Variants in BCL2 observed in about 807,000 individuals in gnomAD.
BCL2 encodes apoptosis regulator Bcl-2.
A neutral mutation model predicts 14.2 loss-of-function variants in BCL2; 1 was observed. The observed-to-expected ratio is 0.07, with a 90% CI of 0.02 to 0.33. The LOEUF (loss-of-function observed/expected upper bound fraction) is 0.33. BCL2 is among the 10% of genes least tolerant of loss of function. The probability of loss-of-function intolerance (pLI) is 0.99; values close to 1 mark genes in which losing one functional copy is unlikely to be tolerated. For missense variants in BCL2, 247 were observed against 305.9 expected (o/e 0.81, Z 1.44); for synonymous variants, 151 against 137.2 (o/e 1.10, Z -0.70).
At chr18:63,213,630 A>G (rs1258030594) in intron 2 of BCL2, among the ~76,000 whole-genome samples, 2 of 152,026 alleles carry the variant, frequency 1.3e-5, no homozygotes, top group East Asian at 3.8e-4. Flanking sequence ...GAGTAAGTTC[A>G]TAATTTAGGA....
intron 2 of BCL2, among the ~76,000 whole-genome samples, chr18:63,296,557 G>GA (rs1912800442): frequency 6.6e-6 from 1 of 152,180 alleles, no homozygotes; most frequent in Non-Finnish European, 1.5e-5. Context: ...TCCAGCCTCG[G>GA]TCTCCCACAG....
intron 2 of BCL2, among the ~76,000 whole-genome samples, chr18:63,260,533 G>C (rs192707936): frequency 2.0e-3 from 301 of 152,316 alleles, no homozygotes; most frequent in African/African-American, 6.6e-3. Context: ...GTCAGCAGGG[G>C]CGGACGATAG....
chr18:63,264,117 G>C (rs1212575066), intron 2 of BCL2, among the ~76,000 whole-genome samples: 1 of 152,204 alleles, frequency 6.6e-6, no homozygotes, highest in Admixed American at 6.5e-5. Flanking sequence ...TCAGCATGCA[G>C]ATGGCCCCGC....
intron 2 of BCL2, among the ~76,000 whole-genome samples, chr18:63,167,569 T>A (rs1206892776): frequency 2.7e-5 from 4 of 150,942 alleles, no homozygotes; most frequent in African/African-American, 9.7e-5. Context: ...CACTTGAGCC[T>A]AAGAGTTTGA....
intron 2 of BCL2, among the ~76,000 whole-genome samples, chr18:63,156,451 C>T (rs1489911316): frequency 6.6e-6 from 1 of 152,150 alleles, no homozygotes; most frequent in African/African-American, 2.4e-5. Context: ...AGTGTGAAAA[C>T]CCGAAATGTC....
intron 2 of BCL2, among the ~76,000 whole-genome samples, chr18:63,221,514 G>T (rs939745981): frequency 1.3e-5 from 2 of 152,196 alleles, no homozygotes; most frequent in Admixed American, 1.3e-4. Flanking sequence ...GAGCTTTTAT[G>T]TAAGGCTGAC....
At chr18:63,146,028 C>T (rs1326776275) in intron 2 of BCL2, among the ~76,000 whole-genome samples, 1 of 152,168 alleles carries the variant, frequency 6.6e-6, no homozygotes, top group Non-Finnish European at 1.5e-5. Context: ...TCCCAAATCC[C>T]TTTTCCCTGC....
In BCL2 at chr18:63,169,290, T is replaced by TTCTTTC. The variant is rs1163136660; in HGVS notation, c.586-40537_586-40532dup. Among the ~76,000 whole-genome samples the TTCTTTC allele has an allele frequency of 2.8e-5, 2 of 71,980 alleles. 1 individual carries two copies. The highest frequency in any genetic ancestry group is 3.1e-4 in the Admixed American group (2 of 6,442). 47.2% of individuals were successfully genotyped at this position (71,980 alleles called of 152,430 possible). On this transcript the variant is annotated intron_variant, in intron 2 of 2. Coordinates refer to ENST00000333681, the MANE Select transcript of BCL2 (RefSeq NM_000633.3). Reference sequence around the variant, plus strand: ...TTTCTTTCTTTCTTTCTTTCTTTCTTTCTTTCTTTCTTTCTTTCTTCCTTC... The same window carrying TTCTTTC: ...TTTCTTTCTTTCTTTCTTTCTTTCTTTCTTTCTCTTTCTTTCTTTCTTTCTTCCTTC...
At chr18:63,156,604 C>G (rs137873334) in intron 2 of BCL2, among the ~76,000 whole-genome samples, 8 of 152,270 alleles carry the variant, frequency 5.3e-5, no homozygotes, top group African/African-American at 1.7e-4. Flanking sequence ...ACTGCAAGAA[C>G]GTCCCACCCT....
chr18:63,291,537 G>T (rs1476815721), intron 2 of BCL2, among the ~76,000 whole-genome samples: 2 of 152,106 alleles, frequency 1.3e-5, no homozygotes, highest in African/African-American at 2.4e-5. Context: ...GCCCCGTCCT[G>T]AATCATTCAG....
intron 2 of BCL2, among the ~76,000 whole-genome samples, chr18:63,278,066 G>A (rs1373555859): frequency 6.6e-6 from 1 of 152,316 alleles, no homozygotes; most frequent in South Asian, 2.1e-4. Context: ...ACACTGGCTG[G>A]TGATGGCAAA....
At chr18:63,307,113 A>C (rs895511888) in intron 2 of BCL2, among the ~76,000 whole-genome samples, 3 of 152,122 alleles carry the variant, frequency 2.0e-5, no homozygotes, top group Non-Finnish European at 4.4e-5. Flanking sequence ...ACAATTACCC[A>C]CTTAAAAACA....
intron 2 of BCL2, among the ~76,000 whole-genome samples, chr18:63,286,015 G>T (rs1020310112): frequency 1.3e-5 from 2 of 152,202 alleles, no homozygotes; most frequent in African/African-American, 4.8e-5. Flanking sequence ...CTTCTCCTGG[G>T]TATATCTGAA....
At chr18:63,177,507 A>G (rs1034577125) in intron 2 of BCL2, among the ~76,000 whole-genome samples, 4 of 152,028 alleles carry the variant, frequency 2.6e-5, no homozygotes, top group Admixed American at 2.6e-4. Flanking sequence ...GAGCTTTCCA[A>G]CTTCAGCTGA....
chr18:63,263,815 C>T (rs887875083), intron 2 of BCL2, among the ~76,000 whole-genome samples: 4 of 152,210 alleles, frequency 2.6e-5, no homozygotes, highest in African/African-American at 9.6e-5. Context: ...ATGGGGCCTA[C>T]CTTCTGGACT....
chr18:63,271,129 C>A (rs1031837167), intron 2 of BCL2, among the ~76,000 whole-genome samples: 1 of 152,176 alleles, frequency 6.6e-6, no homozygotes, highest in Non-Finnish European at 1.5e-5. Flanking sequence ...GCCAAAGAAC[C>A]ATACTTTTAA....
chr18:63,257,570 T>C (rs942400597), intron 2 of BCL2, among the ~76,000 whole-genome samples: 2 of 152,230 alleles, frequency 1.3e-5, no homozygotes, highest in Admixed American at 6.5e-5. Context: ...TGTAGACAAA[T>C]ATCCATTCTT....
intron 2 of BCL2, among the ~76,000 whole-genome samples, chr18:63,254,889 T>G (rs1363385583): frequency 3.3e-5 from 5 of 152,258 alleles, no homozygotes; most frequent in African/African-American, 1.2e-4. Context: ...CAGTGACATA[T>G]GAGGTCTTCC....
Position 63,125,826 on chromosome 18 carries a change from G to T in BCL2, c.*2799C>A, listed in dbSNP as rs1449873745. On this transcript the variant is annotated 3_prime_UTR_variant, in exon 3 of 3. Coordinates refer to ENST00000333681, the MANE Select transcript of BCL2 (RefSeq NM_000633.3). The stretch of plus-strand genomic sequence containing the variant: ...TACTGTACAGTTCTGGGGCCAAGAG[G>T]CTGGGCACATTTACTGTTATTAAAA... The T allele has an allele frequency of 4.6e-6, 1 of 217,436 alleles. No homozygotes were observed. Among genetic ancestry groups the T allele is most frequent in the Non-Finnish European group, 9.3e-6 (1 of 108,034 alleles). 13.5% of individuals were successfully genotyped at this position (217,436 alleles called of 1,614,324 possible).
Sources: allele counts gnomAD v4.1 joint callset (sites outside exome capture counted in the v4.1 genomes callset), GRCh38; gene constraint gnomAD v4.1.1; transcripts MANE v1.5; gene names NCBI Gene and HGNC (gene_info 2026-07-23, HGNC 2026-07-21).